The following APPL1 variants were observed in gnomAD, a reference collection of about 807,000 sequenced individuals.
APPL1 encodes DCC-interacting protein 13-alpha.
APPL1 carries 42 observed loss-of-function variants against 106.8 expected under a neutral mutation model. That is an observed-to-expected ratio of 0.39 (90% confidence interval 0.31 to 0.51). The LOEUF is 0.51. Ranked by LOEUF, APPL1 falls within the 20% of genes least tolerant of loss-of-function variation. APPL1 has a pLI of 0.75. For synonymous variants in APPL1, 263 were observed against 281.8 expected (o/e 0.93, Z 0.67); for missense variants, 769 against 858.2 (o/e 0.90, Z 1.30).
chr3:57,273,401 A>G lies in APPL1; in HGVS notation c.*3714A>G, dbSNP rs2060960546. The G allele has an allele frequency of 6.6e-6, 1 of 152,594 alleles. No homozygotes were observed. Among genetic ancestry groups the G allele is most frequent in the Admixed American group, 6.5e-5 (1 of 15,274 alleles). The allele number at this position is 152,594 out of a possible 1,614,324, so 9.5% of individuals were successfully genotyped here. On this transcript the variant is annotated 3_prime_UTR_variant, in exon 22 of 22. Coordinates refer to ENST00000288266, the MANE Select transcript of APPL1 (RefSeq NM_012096.3). ...AGGTATATACTGACAAGGCTTCAGG[A>G]AAAAAGTTGTTAGAAGATTTTTTAA...
chr3:57,259,112 A>C (rs1440407445), intron 16 of APPL1, 32 bp downstream of exon 16: 2 of 1,556,716 alleles, frequency 1.3e-6, no homozygotes, highest in Non-Finnish European at 8.8e-7. Flanking sequence ...CATATATTTT[A>C]GAACTGCTTC....
chr3:57,246,189 G>T lies in APPL1; in HGVS notation c.588G>T (p.Leu196Phe), dbSNP rs749610125. The change falls in exon 8 of 22, where the codon TTG becomes TTT. Residue 196 changes from leucine to phenylalanine, a missense_variant. Transcript: ENST00000288266. ...TTCAGTACAAGAAGAAAATAGCATT[G>T]TTAGAACCTCTACTTGGGTACATGC... ...NTLQYKKKIA[L>F]LEPLLGYMQA... 1.9e-6 allele frequency: 3 copies of T among 1,609,188 alleles called. No homozygotes were observed. The highest frequency in any genetic ancestry group is 2.2e-5 in the South Asian group (2 of 89,774).
rs1255102327 is a variant in APPL1 at position 57,271,763 on chromosome 3, T to TAAGTC, written c.*2078_*2082dup. 6.6e-6 allele frequency: 1 copy of TAAGTC among 152,238 alleles called. No homozygotes were observed. Among genetic ancestry groups the TAAGTC allele is most frequent in the African/African-American group, 2.4e-5 (1 of 41,460 alleles). The allele number at this position is 152,238 out of a possible 1,614,324, so 9.4% of individuals were successfully genotyped here. A position where few individuals can be genotyped will look rare whatever the true frequency, so the allele number is the denominator to read the frequency against. ...TGCTGGACAGACCTGTAGTTCGTTT[T>TAAGTC]AAGTCATGTTCACAGGAATTTCTAC... On this transcript the variant is annotated 3_prime_UTR_variant, in exon 22 of 22. Transcript: ENST00000288266.
intron 11 of APPL1, among the ~76,000 whole-genome samples, chr3:57,251,672 C>T (rs1057310509): frequency 2.6e-5 from 4 of 151,742 alleles, no homozygotes; most frequent in Non-Finnish European, 5.9e-5. Flanking sequence ...ATTCATTTAT[C>T]AAAATTACCA....
At chr3:57,261,620 G>A (rs28840527) in intron 19 of APPL1, among the ~76,000 whole-genome samples, 12,249 of 152,148 alleles carry the variant, frequency 0.081, 1,648 homozygotes, top group African/African-American at 0.28. Flanking sequence ...CTGGGTTCAC[G>A]CCATTCTCCT....
intron 1 of APPL1, among the ~76,000 whole-genome samples, chr3:57,234,701 G>C (rs935292433): frequency 4.6e-5 from 7 of 151,742 alleles, no homozygotes; most frequent in Non-Finnish European, 8.8e-5. Flanking sequence ...GCCCGCCCAG[G>C]CTGAAGTGCA....
chr3:57,237,594 A>G (rs575636820), intron 3 of APPL1, 43 bp downstream of exon 3: 2 of 1,387,044 alleles, frequency 1.4e-6, no homozygotes, highest in African/African-American at 2.9e-5. Flanking sequence ...TTAAAAGTAT[A>G]GTATCTGTAT....
At chr3:57,237,444 T>TA (rs1553635766) in intron 2 of APPL1, 48 bp from the exon 3 acceptor site, 2 of 1,402,678 alleles carry the variant, frequency 1.4e-6, no homozygotes, top group Non-Finnish European at 2.0e-6. Flanking sequence ...TAGAAAAAAC[T>TA]AAAACTTTTT....
chr3:57,264,582 TAAAAA>T (rs373132720), intron 19 of APPL1, among the ~76,000 whole-genome samples: 3 of 149,956 alleles, frequency 2.0e-5, no homozygotes, highest in Non-Finnish European at 3.0e-5. Context: ...ATAAAAAAAA[TAAAAA>T]AAAATTTTTT....
intron 19 of APPL1, among the ~76,000 whole-genome samples, chr3:57,261,221 T>A (rs2060863558): frequency 6.6e-6 from 1 of 152,234 alleles, no homozygotes; most frequent in African/African-American, 2.4e-5. Context: ...TTTGTCTTTT[T>A]GTGCCTGGCT....
At chr3:57,263,748 T>TTA (rs1049637514) in intron 19 of APPL1, among the ~76,000 whole-genome samples, 2 of 151,548 alleles carry the variant, frequency 1.3e-5, no homozygotes, top group Admixed American at 6.6e-5. Context: ...TACATTTTCT[T>TTA]TATCCATTCA....
At chr3:57,236,264 G>C (rs540933773) in intron 2 of APPL1, among the ~76,000 whole-genome samples, 4 of 150,938 alleles carry the variant, frequency 2.7e-5, no homozygotes, top group Admixed American at 2.6e-4. Flanking sequence ...GGCTGGTCTC[G>C]AACTCCCGAC....
rs540843952 is a variant in APPL1, at chr3:57,228,887, C to T, written c.54+950C>T. ...TGTTGCTGATTTAGAAATGCAGTTGCACCATTTCGTGTGTCTTTACAGTTG... is the reference window on the plus strand; with the variant it reads ...TGTTGCTGATTTAGAAATGCAGTTGTACCATTTCGTGTGTCTTTACAGTTG... On this transcript the variant is annotated intron_variant, in intron 1 of 21. Coordinates refer to ENST00000288266, the MANE Select transcript of APPL1 (RefSeq NM_012096.3). This position sits in a 1 kb window ranked among gnomAD's most constrained non-coding sequence, Gnocchi z 4.6. 3.7e-4 allele frequency among the ~76,000 whole-genome samples: 56 copies of T among 152,270 alleles called. No homozygotes were observed. The highest frequency in any genetic ancestry group is 1.3e-3 in the African/African-American group (56 of 41,554).
In APPL1 at chr3:57,235,621, TGAACCA is replaced by T; in HGVS notation, c.112_117del (p.Asn38_Gln39del). On this transcript the variant is annotated inframe_deletion, in exon 2 of 22. Transcript: ENST00000288266. Reference sequence around the variant, plus strand: ...GATGCCACAGCTATTTCCAACTATATGAACCAGTTGTATCAAGCTATGCATCGGATT... The same window carrying T: ...GATGCCACAGCTATTTCCAACTATATGTTGTATCAAGCTATGCATCGGATT... 6.2e-7 allele frequency: 1 copy of T among 1,613,654 alleles called. No individual in the cohort carries two copies. Among genetic ancestry groups the T allele is most frequent in the Non-Finnish European group, 8.5e-7 (1 of 1,179,698 alleles).
rs1434272759 is a variant in APPL1, at chr3:57,245,986, T to G, written c.475-90T>G. 1.5e-5 allele frequency: 13 copies of G among 864,706 alleles called. 1 individual carries two copies. In the South Asian group the frequency reaches 2.3e-4, roughly 15 times the overall value. 53.6% of individuals were successfully genotyped at this position (864,706 alleles called of 1,614,324 possible). On this transcript the variant is annotated intron_variant, in intron 7 of 21. Coordinates refer to ENST00000288266, the MANE Select transcript of APPL1 (RefSeq NM_012096.3). ...GTGATACTCAATTCCTTGGGTAGGC[T>G]CTTCTCCACAGCTCCTACTGAAGAT...
intron 13 of APPL1, among the ~76,000 whole-genome samples, chr3:57,254,600 C>T (rs185121260): frequency 1.4e-4 from 21 of 152,270 alleles, no homozygotes; most frequent in African/African-American, 3.9e-4. Context: ...GCAGAAATGG[C>T]AGGTTTATGA....
rs758276895 is a variant in APPL1, at chr3:57,249,412, G to T, written c.916G>T (p.Gly306Cys). The change falls in exon 11 of 22, where the codon GGT becomes TGT. Residue 306 changes from glycine (G) to cysteine (C), a missense_variant. Gly to Cys is a radical substitution (Grantham distance 159, BLOSUM62 -3). Transcript: ENST00000288266. Reference sequence around the variant, plus strand: ...GGACAGACAGTTTTACTTCACGCAGGGTGGAAATTTAATGAGTCAGGCCCG... The same window carrying T: ...GGACAGACAGTTTTACTTCACGCAGTGTGGAAATTTAATGAGTCAGGCCCG... ...TWDRQFYFTQ[G>C]GNLMSQARGD... 1 of 1,614,138 alleles carries T rather than the reference G, an allele frequency of 6.2e-7. No individual in the cohort carries two copies. The highest frequency in any genetic ancestry group is 1.1e-5 in the South Asian group (1 of 91,068).
intron 4 of APPL1, 97 bp downstream of exon 4, chr3:57,238,213 A>G: frequency 1.2e-6 from 1 of 845,430 alleles, no homozygotes; most frequent in Non-Finnish European, 1.8e-6. Context: ...TATTAAAGAG[A>G]TGACTAAAGA....
intron 11 of APPL1, among the ~76,000 whole-genome samples, chr3:57,250,933 G>A (rs1342699877): frequency 1.4e-5 from 2 of 144,642 alleles, no homozygotes; most frequent in Admixed American, 1.4e-4. Context: ...TCAGCCTCCC[G>A]AGTAGCTGGG....
Sources: gnomAD v4.1 joint callset for allele counts (sites outside exome capture counted in the v4.1 genomes callset) on GRCh38, gnomAD v4.1.1 for gene constraint, Gnocchi (gnomAD v3.1) non-coding constraint, MANE v1.5 for transcripts, NCBI Gene and HGNC (gene_info 2026-07-23, HGNC 2026-07-21) for gene names.